Variants in TMEM50B observed in about 807,000 individuals in gnomAD.
The protein encoded by TMEM50B is HCV p7-trans-regulated protein 3.
Under a neutral mutation model 23.4 loss-of-function variants are expected in TMEM50B, and 14 were observed. The ratio of observed to expected loss-of-function variants is 0.60; its 90% CI spans 0.39 to 0.93. The LOEUF (loss-of-function observed/expected upper bound fraction) is 0.93, where lower values mean the gene tolerates loss of function less well. Ranked by LOEUF, TMEM50B falls within the 40% of genes least tolerant of loss-of-function variation. TMEM50B has a pLI of 0.00. For missense variants in TMEM50B, 159 were observed against 193.0 expected (o/e 0.82, Z 1.04); for synonymous variants, 64 against 62.3 (o/e 1.03, Z -0.13).
At chr21:33,433,677 A>C (rs537350339) in intron 8 of TMEM50B, among the ~76,000 whole-genome samples, 2 of 152,234 alleles carry the variant, frequency 1.3e-5, no homozygotes, top group African/African-American at 4.8e-5. Flanking sequence ...AGTTCTGGAG[A>C]TGGATGGTGG....
At chr21:33,472,837 T>C (rs1391396826) in intron 1 of TMEM50B, among the ~76,000 whole-genome samples, 3 of 151,740 alleles carry the variant, frequency 2.0e-5, no homozygotes, top group Admixed American at 6.6e-5. Context: ...ACACCATTCA[T>C]TGCATTTCAG....
intron 1 of TMEM50B, among the ~76,000 whole-genome samples, chr21:33,476,712 G>C (rs1361403061): frequency 8.2e-6 from 1 of 122,156 alleles, no homozygotes; most frequent in Admixed American, 1.1e-4. Context: ...AGTGAGCCGA[G>C]ATCGCACCAC....
intron 1 of TMEM50B, among the ~76,000 whole-genome samples, chr21:33,477,192 G>C (rs2084381254): frequency 6.6e-6 from 1 of 152,174 alleles, no homozygotes; most frequent in African/African-American, 2.4e-5. Flanking sequence ...CTTCTCAGGA[G>C]GCTGAGGTGG....
chr21:33,450,913 AAC>A, intron 6 of TMEM50B, 50 bp from the exon 7 acceptor site: 1 of 1,487,462 alleles, frequency 6.7e-7, no homozygotes, highest in Non-Finnish European at 9.3e-7. Flanking sequence ...TGGAACAAGC[AAC>A]ACAGAATTCA....
chr21:33,443,281 G>A (rs1171978935), intron 7 of TMEM50B, among the ~76,000 whole-genome samples: 1 of 152,160 alleles, frequency 6.6e-6, no homozygotes, highest in East Asian at 1.9e-4. Context: ...ATTTTCCTGT[G>A]ACCCTTAATA....
intron 4 of TMEM50B, among the ~76,000 whole-genome samples, chr21:33,464,379 T>A (rs1016207173): frequency 6.6e-6 from 1 of 151,406 alleles, no homozygotes; most frequent in African/African-American, 2.4e-5. Context: ...GTATATTTTT[T>A]AGTAGAGACG....
At chr21:33,474,909 A>G (rs1222296300) in intron 1 of TMEM50B, among the ~76,000 whole-genome samples, 3 of 148,182 alleles carry the variant, frequency 2.0e-5, no homozygotes, top group Non-Finnish European at 4.5e-5. Context: ...GAAGAAAAAA[A>G]TGCAAACATT....
At position 33,449,745 on chromosome 21, in the gene TMEM50B, G is replaced by A. The variant is rs1404144691; in HGVS notation, c.*1073C>T. Reference sequence around the variant, plus strand: ...TAATTATTCCACTTTTTGTTAAATGGTTCATGCTTTTAAACTGCGATTGTC... The same window carrying A: ...TAATTATTCCACTTTTTGTTAAATGATTCATGCTTTTAAACTGCGATTGTC... On this transcript the variant is annotated 3_prime_UTR_variant, in exon 7 of 7. Transcript: ENST00000542230. 1 of 152,532 alleles carries A rather than the reference G, an allele frequency of 6.6e-6. No individual in the cohort carries two copies. The highest frequency in any genetic ancestry group is 1.5e-5 in the Non-Finnish European group (1 of 68,034). The allele number at this position is 152,532 out of a possible 1,614,324, so 9.4% of individuals were successfully genotyped here.
chr21:33,435,554 G>GTGAT (rs1352406995), intron 8 of TMEM50B, among the ~76,000 whole-genome samples: 1 of 152,126 alleles, frequency 6.6e-6, no homozygotes, highest in Non-Finnish European at 1.5e-5. Context: ...GAGTATTAAA[G>GTGAT]TGATTACTGA....
intron 1 of TMEM50B, among the ~76,000 whole-genome samples, chr21:33,475,379 G>A (rs981265621): frequency 1.3e-5 from 2 of 150,926 alleles, no homozygotes; most frequent in Non-Finnish European, 3.0e-5. Flanking sequence ...ATGGAGTCTC[G>A]CTCTGTCGCC....
At chr21:33,463,792 C>T (rs995879429) in intron 4 of TMEM50B, among the ~76,000 whole-genome samples, 6 of 152,080 alleles carry the variant, frequency 3.9e-5, no homozygotes, top group Admixed American at 2.0e-4. Context: ...GCAGCATGTG[C>T]CTATAATCAC....
At position 33,478,979 on chromosome 21, in the gene TMEM50B, C is replaced by T. The variant is rs894483181; in HGVS notation, c.-42+859G>A. ...TGTAAGACGATGCGGATGCCACTTC[C>T]CTCCCACCCCGTCCCGTCCGAGGCC... On this transcript the variant is annotated intron_variant, in intron 1 of 6. Coordinates refer to ENST00000542230, the MANE Select transcript of TMEM50B (RefSeq NM_006134.7). 2.8e-5 allele frequency: 10 copies of T among 354,780 alleles called. No individual in the cohort carries two copies. In the Admixed American group the frequency reaches 3.8e-4, roughly 14 times the overall value. The allele number at this position is 354,780 out of a possible 1,614,324, so 22.0% of individuals were successfully genotyped here.
chr21:33,447,715 CACACATAT>C (rs71858508), downstream of TMEM50B, among the ~76,000 whole-genome samples: 15,558 of 104,448 alleles, frequency 0.15, 962 homozygotes, highest in East Asian at 0.37. Context: ...CACACACACA[CACACATAT>C]ATATATATAC....
In TMEM50B at chr21:33,450,232, T is replaced by G. The variant is rs1056062992; in HGVS notation, c.*586A>C. The G allele has an allele frequency of 5.9e-5, 9 of 151,988 alleles. No individual in the cohort carries two copies. The highest frequency in any genetic ancestry group is 2.2e-4 in the African/African-American group (9 of 41,384). The allele number at this position is 151,988 out of a possible 1,614,324, so 9.4% of individuals were successfully genotyped here. On this transcript the variant is annotated 3_prime_UTR_variant, in exon 7 of 7. Coordinates refer to ENST00000542230, the MANE Select transcript of TMEM50B (RefSeq NM_006134.7). ...CTTTTTTTTGAGAGGGAGTTTCACT[T>G]TCTCCCCCAGGCTAGAGTGCAGTGG... is the stretch of plus-strand genomic sequence containing the variant.
intron 8 of TMEM50B, among the ~76,000 whole-genome samples, chr21:33,438,041 T>A (rs183335588): frequency 2.0e-5 from 3 of 150,714 alleles, no homozygotes; most frequent in African/African-American, 7.3e-5. Context: ...TCCCAGCACT[T>A]TGGGAGGTCA....
intron 2 of TMEM50B, 140 bp from the exon 3 acceptor site, chr21:33,467,262 G>A: frequency 1.5e-6 from 1 of 651,918 alleles, no homozygotes; most frequent in Non-Finnish European, 2.6e-6. Context: ...CACTTTGGGA[G>A]GCCAAGGCAG....
At chr21:33,433,014 T>C (rs2083905840) in intron 8 of TMEM50B, 1 of 723,928 alleles carries the variant, frequency 1.4e-6, no homozygotes, top group Non-Finnish European at 2.4e-6. Flanking sequence ...GCCTCCTGAG[T>C]AGCTGGTATT....
At chr21:33,463,883 A>C (rs2084239612) in intron 4 of TMEM50B, among the ~76,000 whole-genome samples, 1 of 152,158 alleles carries the variant, frequency 6.6e-6, no homozygotes, top group Non-Finnish European at 1.5e-5. Flanking sequence ...ATGCCACTGC[A>C]CTCCAGCCTG....
chr21:33,471,608 T>C (rs1417299076), intron 1 of TMEM50B, among the ~76,000 whole-genome samples: 1 of 152,106 alleles, frequency 6.6e-6, no homozygotes, highest in African/African-American at 2.4e-5. Flanking sequence ...ATGTGATGGC[T>C]TGCACCTGTA....
Sources: allele counts gnomAD v4.1 joint callset (sites outside exome capture counted in the v4.1 genomes callset), GRCh38; gene constraint gnomAD v4.1.1; transcripts MANE v1.5; gene names NCBI Gene and HGNC (gene_info 2026-07-23, HGNC 2026-07-21).